CYP46A1: variants seen among roughly 807,000 people sequenced by gnomAD.
CYP46A1 encodes the protein cholesterol 24-hydroxylase.
In CYP46A1, 20 loss-of-function variants were observed where a neutral mutation model predicts 63.3. That is an observed-to-expected ratio of 0.32 (90% CI 0.22 to 0.46). The LOEUF is 0.46. CYP46A1 is among the 20% of genes least tolerant of loss of function. The probability of loss-of-function intolerance (pLI) is 1.00; values close to 1 mark genes in which losing one functional copy is unlikely to be tolerated. For synonymous variants in CYP46A1, 268 were observed against 273.6 expected, an observed-to-expected ratio of 0.98 and a Z score of 0.20; for missense variants, 445 against 670.8, an observed-to-expected ratio of 0.66 and a Z score of 3.72.
chr14:99,692,025 C>T (rs2056548207), intron 3 of CYP46A1, among the ~76,000 whole-genome samples, 164 bp downstream of exon 3: 1 of 152,176 alleles, frequency 6.6e-6, no homozygotes, highest in Admixed American at 6.5e-5. Context: ...TCTAAGCACC[C>T]ACTCCTTGGG....
chr14:99,718,194 C>A, intron 10 of CYP46A1, 68 bp downstream of exon 10: 1 of 1,365,834 alleles, frequency 7.3e-7, no homozygotes, highest in Non-Finnish European at 1.0e-6. Flanking sequence ...GGCCACCTGC[C>A]CCCACCTCCC....
intron 1 of CYP46A1, among the ~76,000 whole-genome samples, chr14:99,687,788 C>T (rs1452997203): frequency 1.3e-5 from 2 of 152,164 alleles, no homozygotes; most frequent in Admixed American, 6.5e-5. Context: ...TGCCTCTCCT[C>T]TCTCCCAGGG....
intron 13 of CYP46A1, 84 bp from the exon 14 acceptor site, chr14:99,726,106 C>A: frequency 7.9e-7 from 1 of 1,262,656 alleles, no homozygotes; most frequent in Non-Finnish European, 1.2e-6. Context: ...TCATCCAGAC[C>A]TGGGTTAACT....
chr14:99,699,675 G>A (rs1234438936), intron 4 of CYP46A1, 136 bp downstream of exon 4: 12 of 899,346 alleles, frequency 1.3e-5, no homozygotes, highest in East Asian at 4.9e-5. Context: ...TGAGTGCCCC[G>A]TAAACAGTGG....
At chr14:99,721,868 AAGAC>A in intron 11 of CYP46A1, 84 bp from the exon 12 acceptor site, 1 of 1,067,118 alleles carries the variant, frequency 9.4e-7, no homozygotes. Flanking sequence ...GTGGGTGGGA[AAGAC>A]AGGGGTCCCA....
At chr14:99,704,177 C>T (rs2056655401) in intron 5 of CYP46A1, among the ~76,000 whole-genome samples, 1 of 152,162 alleles carries the variant, frequency 6.6e-6, no homozygotes, top group Non-Finnish European at 1.5e-5. Context: ...ATAAAGTTTG[C>T]CATCTTAACC....
chr14:99,718,121 G>A lies in CYP46A1; in HGVS notation c.975G>A (p.Val325=), dbSNP rs201760580. Residue 325 remains valine (V), a synonymous_variant, in exon 10 of 15, where the codon GTG becomes GTA. Transcript: ENST00000261835. ...AGCTGTCTCGCCAGCCAGAGATCGT[G>A]GCAAGGTATGGGGGCTGCTCTTGGG... The part of the protein sequence containing the change: ...VMELSRQPEI[V]ARLQAEVDEV... 2.5e-6 allele frequency: 4 copies of A among 1,613,972 alleles called. No individual in the cohort carries two copies. Among genetic ancestry groups the A allele is most frequent in the Non-Finnish European group, 3.4e-6 (4 of 1,179,956 alleles).
rs2056784249 is a variant in CYP46A1 at position 99,715,881 on chromosome 14, G to T, written c.765G>T (p.Arg255Ser). 1 of 1,614,088 alleles carries T rather than the reference G, an allele frequency of 6.2e-7. No homozygotes were observed. ...ESIRFLRQVGRDWVQRRREAL... is the reference protein window; with the variant it reads ...ESIRFLRQVGSDWVQRRREAL... ...TTCGCTTCCTGCGCCAGGTGGGCAG[G>T]GACTGGGTCCAGCGCCGCCGGGAAG... Residue 255 changes from arginine (R) to serine (S), a missense_variant, in exon 8 of 15, where the codon AGG becomes AGT. Arg to Ser is a moderately radical substitution (Grantham distance 110, BLOSUM62 -1). This residue lies in a region of CYP46A1 where 252 missense variants were observed against 383.3 expected (regional missense o/e 0.66). Transcript: ENST00000261835.
intron 1 of CYP46A1, 100 bp downstream of exon 1, chr14:99,684,636 A>AGC: frequency 9.3e-7 from 1 of 1,080,168 alleles, no homozygotes; most frequent in Admixed American, 2.2e-5. Flanking sequence ...GGCCTCGCCT[A>AGC]GTGCGCGCGG....
At position 99,716,208 on chromosome 14, in the gene CYP46A1, C is replaced by CT; in HGVS notation, c.907+12dup. The CT allele has an allele frequency of 6.2e-7, 1 of 1,614,180 alleles. No homozygotes were observed. On this transcript the variant is annotated intron_variant, in intron 9 of 14. Coordinates refer to ENST00000261835, the MANE Select transcript of CYP46A1 (RefSeq NM_006668.2). ...CACCTTCTTCATTGCTGGTTTGTAG[C>CT]TTTGGCGGTGGCCAAGGGCCCGGAG...
intron 14 of CYP46A1, 113 bp downstream of exon 14, chr14:99,726,369 C>G (rs540958867): frequency 3.0e-4 from 299 of 982,346 alleles, no homozygotes; most frequent in Middle Eastern, 7.4e-4. Context: ...GCTGTGGGCT[C>G]GGGACCCAGC....
At chr14:99,715,057 T>C (rs1276276334) in intron 7 of CYP46A1, among the ~76,000 whole-genome samples, 1 of 152,152 alleles carries the variant, frequency 6.6e-6, no homozygotes, top group East Asian at 1.9e-4. Flanking sequence ...TACAGTTATG[T>C]AGAAGGAGTA....
At chr14:99,720,052 G>A (rs1368995755) in intron 10 of CYP46A1, among the ~76,000 whole-genome samples, 4 of 151,992 alleles carry the variant, frequency 2.6e-5, no homozygotes, top group East Asian at 3.9e-4. Flanking sequence ...ATGAGCCACC[G>A]TGCCCGGCAG....
At chr14:99,699,406 G>A in intron 3 of CYP46A1, 60 bp from the exon 4 acceptor site, 1 of 1,510,532 alleles carries the variant, frequency 6.6e-7, no homozygotes, top group Non-Finnish European at 9.2e-7. Flanking sequence ...TGTCTCAGAA[G>A]AGCATCTTGC....
intron 7 of CYP46A1, among the ~76,000 whole-genome samples, chr14:99,713,758 C>T (rs1289831760): frequency 6.7e-6 from 1 of 148,916 alleles, no homozygotes; most frequent in Non-Finnish European, 1.5e-5. Context: ...ATTAGCCAGG[C>T]ATGGTGTTTG....
At chr14:99,721,935 C>T (rs1264585633) in intron 11 of CYP46A1, 21 bp from the exon 12 acceptor site, 3 of 1,593,908 alleles carry the variant, frequency 1.9e-6, no homozygotes, top group Non-Finnish European at 2.6e-6. Flanking sequence ...TCCTTGTTAT[C>T]TCCCCTTGTG....
At chr14:99,716,320 C>A in intron 9 of CYP46A1, 121 bp downstream of exon 9, 1 of 1,026,346 alleles carries the variant, frequency 9.7e-7, no homozygotes, top group Non-Finnish European at 1.5e-6. Flanking sequence ...CACCGCAGGG[C>A]TAGGGGGCTG....
intron 12 of CYP46A1, chr14:99,723,189 T>C (rs1425793037): frequency 1.0e-5 from 2 of 192,534 alleles, no homozygotes; most frequent in Non-Finnish European, 2.2e-5. Flanking sequence ...CTGACCCTGC[T>C]TTCTCTGTCT....
chr14:99,718,106 C>T lies in CYP46A1; in HGVS notation c.960C>T (p.Arg320=), dbSNP rs370474237. The change falls in exon 10 of 15, where the codon CGC becomes CGT. Residue 320 remains arginine, a synonymous_variant. Coordinates refer to ENST00000261835, the MANE Select transcript of CYP46A1 (RefSeq NM_006668.2). ...HLAFTVMELS[R]QPEIVARLQA... is the part of the protein sequence containing the mutation. Reference sequence around the variant, plus strand: ...CGTTCACAGTGATGGAGCTGTCTCGCCAGCCAGAGATCGTGGCAAGGTATG... The same window carrying T: ...CGTTCACAGTGATGGAGCTGTCTCGTCAGCCAGAGATCGTGGCAAGGTATG... The T allele has an allele frequency of 8.2e-5, 133 of 1,614,032 alleles. No homozygotes were observed. Among genetic ancestry groups the T allele is most frequent in the African/African-American group, 4.0e-4 (30 of 74,946 alleles).
Sources: gnomAD v4.1 joint callset for allele counts (sites outside exome capture counted in the v4.1 genomes callset) on GRCh38, gnomAD v4.1.1 for gene constraint, gnomAD v4.1.1 regional missense constraint, MANE v1.5 for transcripts, NCBI Gene and HGNC (gene_info 2026-07-23, HGNC 2026-07-21) for gene names.